CUX2: variants seen among roughly 807,000 people sequenced by gnomAD.
CUX2 encodes homeobox protein cut-like 2.
Under a neutral mutation model 144.8 loss-of-function variants are expected in CUX2, and 40 were observed. That is an observed-to-expected ratio of 0.28 (90% CI 0.21 to 0.36). The LOEUF is 0.36. Among genes scored for constraint, CUX2 ranks in the 10% least tolerant of loss-of-function variants. CUX2 has a pLI of 1.00. For missense variants in CUX2, 1,615 were observed against 1,994.0 expected (o/e 0.81, Z 3.62); for synonymous variants, 827 against 875.6 (o/e 0.94, Z 0.98).
chr12:111,188,760 G>A (rs963205400), intron 1 of CUX2, among the ~76,000 whole-genome samples: 1 of 152,130 alleles, frequency 6.6e-6, no homozygotes, highest in Non-Finnish European at 1.5e-5. Context: ...TGTCACGGCA[G>A]GTTTTAGGCT....
intron 18 of CUX2, among the ~76,000 whole-genome samples, chr12:111,334,055 C>T (rs1485538967): frequency 5.3e-5 from 8 of 151,414 alleles, no homozygotes; most frequent in African/African-American, 1.7e-4. Context: ...GGCGTAGTGG[C>T]GCATGCCTGT....
At chr12:111,084,889 A>C (rs1247824189) in intron 1 of CUX2, among the ~76,000 whole-genome samples, 1 of 151,714 alleles carries the variant, frequency 6.6e-6, no homozygotes, top group Admixed American at 6.6e-5. Flanking sequence ...AGGGGATTGG[A>C]GGGACCTCAC....
intron 1 of CUX2, among the ~76,000 whole-genome samples, chr12:111,193,370 A>C (rs1880020369): frequency 6.6e-6 from 1 of 152,210 alleles, no homozygotes; most frequent in South Asian, 2.1e-4. Flanking sequence ...AACTTTACAA[A>C]ATGTCTTTAA....
chr12:111,115,869 A>G (rs1874267874), intron 1 of CUX2, among the ~76,000 whole-genome samples: 1 of 152,194 alleles, frequency 6.6e-6, no homozygotes, highest in Non-Finnish European at 1.5e-5. Context: ...TGCCTTGTTC[A>G]CAGACTAGCA....
At chr12:111,129,945 T>C (rs1875358284) in intron 1 of CUX2, among the ~76,000 whole-genome samples, 1 of 152,164 alleles carries the variant, frequency 6.6e-6, no homozygotes, top group African/African-American at 2.4e-5. Context: ...ACTCTATTGA[T>C]CACCTGACCT....
chr12:111,089,831 C>T (rs1217734866), intron 1 of CUX2, among the ~76,000 whole-genome samples: 2 of 152,210 alleles, frequency 1.3e-5, no homozygotes, highest in African/African-American at 2.4e-5. Context: ...AGAACCTAGT[C>T]ACTGTGGCCC....
intron 4 of CUX2, among the ~76,000 whole-genome samples, chr12:111,272,458 TTTATTA>T (rs555086552): frequency 1.3e-5 from 2 of 151,922 alleles, no homozygotes; most frequent in African/African-American, 2.4e-5. Context: ...GACAGTTAAC[TTTATTA>T]TTATTATTAT....
intron 1 of CUX2, among the ~76,000 whole-genome samples, chr12:111,065,418 C>T (rs1870978529): frequency 6.6e-6 from 1 of 152,220 alleles, no homozygotes; most frequent in African/African-American, 2.4e-5. Flanking sequence ...ACTGCAAACT[C>T]CGCCTCTCCT....
At chr12:111,265,131 G>C (rs549263877) in intron 4 of CUX2, among the ~76,000 whole-genome samples, 6 of 151,990 alleles carry the variant, frequency 3.9e-5, no homozygotes, top group Non-Finnish European at 8.8e-5. Flanking sequence ...TGGAAATCAA[G>C]ATAGTGGTTT....
At chr12:111,197,575 A>T (rs1880315868) in intron 1 of CUX2, among the ~76,000 whole-genome samples, 1 of 152,184 alleles carries the variant, frequency 6.6e-6, no homozygotes, top group Non-Finnish European at 1.5e-5. Context: ...GGAGAAAACA[A>T]CACCCTCCTT....
chr12:111,102,675 G>A (rs912628621), intron 1 of CUX2, among the ~76,000 whole-genome samples: 9 of 152,206 alleles, frequency 5.9e-5, no homozygotes, highest in Non-Finnish European at 1.2e-4. Context: ...GGAGAAAGCT[G>A]AGGCTTGGAG....
Position 111,338,385 on chromosome 12 carries a change from G to A in CUX2, c.3296G>A (p.Gly1099Glu). Residue 1099 changes from glycine to glutamate, a missense_variant, in exon 20 of 22, where the codon GGG becomes GAG. Physicochemically the swap from Gly to Glu is moderately conservative, Grantham distance 98 (BLOSUM62 -2). This residue lies in a region of CUX2 where 131 missense variants were observed against 223.1 expected (regional missense o/e 0.59). Transcript: ENST00000261726. ...PKPWHKLSLK[G>E]REPFVRMQLW... The stretch of plus-strand genomic sequence containing the variant: ...CCCTGGCACAAGCTGAGCCTGAAGG[G>A]GCGGGAGCCTTTTGTCCGCATGCAG... The A allele has an allele frequency of 6.2e-7, 1 of 1,614,128 alleles. No homozygotes were observed. The highest frequency in any genetic ancestry group is 8.5e-7 in the Non-Finnish European group (1 of 1,179,994).
chr12:111,266,331 G>T (rs1376285457), intron 4 of CUX2, among the ~76,000 whole-genome samples: 1 of 151,984 alleles, frequency 6.6e-6, no homozygotes, highest in African/African-American at 2.4e-5. Context: ...ACAAAAATTA[G>T]CCAGGTGTGG....
rs1018894879 is a variant in CUX2, at chr12:111,034,794, C to A, written c.63+554C>A. 6.7e-6 allele frequency among the ~76,000 whole-genome samples: 1 copy of A among 149,704 alleles called. No homozygotes were observed. Among genetic ancestry groups the A allele is most frequent in the African/African-American group, 2.4e-5 (1 of 41,162 alleles). On this transcript the variant is annotated intron_variant, in intron 1 of 21. Coordinates refer to ENST00000261726, the MANE Select transcript of CUX2 (RefSeq NM_015267.4). This position sits in a 1 kb window ranked among gnomAD's most constrained non-coding sequence, Gnocchi z 4.2. ...GCGAGGAGGCGGCTCCGCGCCCCGC[C>A]GCTCGCCGGCACCTCAGCCTTCGCC...
At chr12:111,346,829 T>C (rs1003656546) in intron 21 of CUX2, among the ~76,000 whole-genome samples, 2 of 152,114 alleles carry the variant, frequency 1.3e-5, no homozygotes, top group African/African-American at 2.4e-5. Flanking sequence ...CTGGCCAACA[T>C]AGCAAAACAC....
chr12:111,295,486 G>C lies in CUX2; in HGVS notation c.637+77G>C. The stretch of plus-strand genomic sequence containing the variant: ...TGCTGTCAACGAGGGGTCACGGCTT[G>C]GGGTCTGCCACATCCAGGTGTTTTA... On this transcript the variant is annotated intron_variant, in intron 7 of 21. Coordinates refer to ENST00000261726, the MANE Select transcript of CUX2 (RefSeq NM_015267.4). The surrounding 1 kb of genome is among the most constrained non-coding windows in gnomAD (Gnocchi z 5.0). 1.5e-6 allele frequency: 2 copies of C among 1,295,938 alleles called. No individual in the cohort carries two copies. The highest frequency in any genetic ancestry group is 2.2e-6 in the Non-Finnish European group (2 of 929,826). The allele number at this position is 1,295,938 out of a possible 1,614,324, so 80.3% of individuals were successfully genotyped here. A position where few individuals can be genotyped will look rare whatever the true frequency, so the allele number is the denominator to read the frequency against.
intron 3 of CUX2, among the ~76,000 whole-genome samples, chr12:111,225,075 T>A (rs1882062756): frequency 6.6e-6 from 1 of 151,986 alleles, no homozygotes; most frequent in African/African-American, 2.4e-5. Context: ...CCAGCTAATT[T>A]TTGTAGTTTT....
At chr12:111,115,069 C>A (rs1399227487) in intron 1 of CUX2, among the ~76,000 whole-genome samples, 5 of 152,064 alleles carry the variant, frequency 3.3e-5, no homozygotes, top group Non-Finnish European at 7.4e-5. Context: ...ATTACTATAT[C>A]TTCACAGTAA....
At chr12:111,325,262 C>T (rs1393143081) in intron 18 of CUX2, among the ~76,000 whole-genome samples, 2 of 151,674 alleles carry the variant, frequency 1.3e-5, no homozygotes, top group Non-Finnish European at 2.9e-5. Flanking sequence ...TCACTGCACT[C>T]CAGCCTGGGC....
Sources: allele counts gnomAD v4.1 joint callset (sites outside exome capture counted in the v4.1 genomes callset), GRCh38; gene constraint gnomAD v4.1.1; regional missense constraint gnomAD v4.1.1; non-coding constraint Gnocchi (gnomAD v3.1); transcripts MANE v1.5; gene names NCBI Gene and HGNC (gene_info 2026-07-23, HGNC 2026-07-21).